Variants in GNAQ observed in about 807,000 individuals in gnomAD.
The protein encoded by GNAQ is G protein subunit alpha q.
In GNAQ, 8 loss-of-function variants were observed where a neutral mutation model predicts 43.9. The observed-to-expected ratio is 0.18, with a 90% CI of 0.11 to 0.33. The LOEUF (loss-of-function observed/expected upper bound fraction) is 0.33, where lower values mean the gene tolerates loss of function less well. Among genes scored for constraint, GNAQ ranks in the 10% least tolerant of loss-of-function variants. The pLI is 1.00. For synonymous variants in GNAQ, 155 were observed against 170.7 expected, an observed-to-expected ratio of 0.91 and a Z score of 0.71; for missense variants, 158 against 450.8, an observed-to-expected ratio of 0.35 and a Z score of 5.88.
chr9:77,960,022 T>G (rs913412003), intron 1 of GNAQ, among the ~76,000 whole-genome samples: 1 of 152,202 alleles, frequency 6.6e-6, no homozygotes, highest in Non-Finnish European at 1.5e-5. Context: ...CCTTGCCTCT[T>G]CACTCAACAC....
chr9:77,745,989 A>AAAAG (rs1258230225), intron 5 of GNAQ, among the ~76,000 whole-genome samples: 3 of 152,268 alleles, frequency 2.0e-5, no homozygotes, highest in East Asian at 3.9e-4. Flanking sequence ...TTAGATAAAT[A>AAAAG]AAAGATTCTA....
chr9:77,811,310 ATATGAAGATATCTTTATAAAGATATAT>A (rs1826919185), intron 3 of GNAQ, among the ~76,000 whole-genome samples: 1 of 145,234 alleles, frequency 6.9e-6, no homozygotes, highest in South Asian at 2.3e-4. Context: ...AATTATAAAG[ATATGAAGATATCTTTATAAAGATATAT>A]TATATATAAA....
intron 2 of GNAQ, among the ~76,000 whole-genome samples, chr9:77,823,078 T>C (rs1827141974): frequency 6.6e-6 from 1 of 152,106 alleles, no homozygotes; most frequent in African/African-American, 2.4e-5. Context: ...TAGCTGGGAC[T>C]ACAGGCGTCT....
At chr9:77,981,456 C>T (rs1823366971) in intron 1 of GNAQ, among the ~76,000 whole-genome samples, 3 of 152,168 alleles carry the variant, frequency 2.0e-5, no homozygotes, top group Admixed American at 1.3e-4. Flanking sequence ...AAGGCAAAGT[C>T]CAGTCATGCA....
At chr9:77,792,250 G>A (rs1012572416) in intron 5 of GNAQ, among the ~76,000 whole-genome samples, 11 of 152,146 alleles carry the variant, frequency 7.2e-5, no homozygotes, top group African/African-American at 2.2e-4. Flanking sequence ...ACTTTCAAAA[G>A]ATTCACAAGT....
At chr9:77,909,865 T>C (rs1235953663) in intron 2 of GNAQ, among the ~76,000 whole-genome samples, 2 of 152,088 alleles carry the variant, frequency 1.3e-5, no homozygotes, top group African/African-American at 4.8e-5. Context: ...AGAGCTTATT[T>C]TTTTCTCTCC....
At chr9:77,994,548 C>T (rs1004243796) in intron 1 of GNAQ, among the ~76,000 whole-genome samples, 1 of 152,096 alleles carries the variant, frequency 6.6e-6, no homozygotes, top group Non-Finnish European at 1.5e-5. Context: ...TGGTTTCCGG[C>T]AGCCATATTA....
At chr9:77,803,675 G>T (rs1199611357) in intron 3 of GNAQ, among the ~76,000 whole-genome samples, 1 of 152,208 alleles carries the variant, frequency 6.6e-6, no homozygotes, top group Non-Finnish European at 1.5e-5. Context: ...TTATCAATTT[G>T]TGGGGAAATA....
chr9:77,947,896 C>G (rs1822924455), intron 1 of GNAQ, among the ~76,000 whole-genome samples: 1 of 152,154 alleles, frequency 6.6e-6, no homozygotes, highest in African/African-American at 2.4e-5. Context: ...TACTTAACAG[C>G]TGTGGGACCT....
chr9:77,725,832 T>C (rs919646994), intron 6 of GNAQ, among the ~76,000 whole-genome samples: 7 of 152,154 alleles, frequency 4.6e-5, no homozygotes, highest in Non-Finnish European at 1.0e-4. Context: ...TCTGAGAAGT[T>C]TGAATGAACC....
intron 1 of GNAQ, among the ~76,000 whole-genome samples, chr9:78,016,204 A>G (rs1196050991): frequency 2.0e-5 from 3 of 152,224 alleles, no homozygotes; most frequent in Non-Finnish European, 4.4e-5. Flanking sequence ...ATATGAGACC[A>G]AAAAGCAGAA....
intron 5 of GNAQ, among the ~76,000 whole-genome samples, chr9:77,788,414 A>C (rs1296948281): frequency 6.6e-6 from 1 of 152,246 alleles, no homozygotes; most frequent in Non-Finnish European, 1.5e-5. Context: ...TGCAAAATGA[A>C]ACCATTTTAA....
At chr9:77,770,742 T>C (rs1382079763) in intron 5 of GNAQ, among the ~76,000 whole-genome samples, 3 of 152,282 alleles carry the variant, frequency 2.0e-5, no homozygotes, top group Admixed American at 2.0e-4. Context: ...TTGAACATCA[T>C]GGACCTCTGG....
intron 1 of GNAQ, among the ~76,000 whole-genome samples, chr9:77,974,531 T>C (rs1481287245): frequency 6.6e-6 from 1 of 152,224 alleles, no homozygotes; most frequent in Non-Finnish European, 1.5e-5. Context: ...CCTTATGTAC[T>C]AGGCACTAGT....
intron 1 of GNAQ, among the ~76,000 whole-genome samples, chr9:77,965,735 A>G (rs1216134622): frequency 6.6e-6 from 1 of 152,132 alleles, no homozygotes; most frequent in Admixed American, 6.6e-5. Flanking sequence ...ACACTGCACA[A>G]TATTAAAAAT....
intron 1 of GNAQ, among the ~76,000 whole-genome samples, chr9:77,957,011 G>A (rs963413812): frequency 4.6e-5 from 7 of 152,270 alleles, no homozygotes; most frequent in African/African-American, 1.2e-4. Flanking sequence ...AAGTAGCCTC[G>A]TTTAAGAGTA....
intron 1 of GNAQ, among the ~76,000 whole-genome samples, chr9:78,024,059 A>C (rs984849864): frequency 2.0e-5 from 3 of 152,004 alleles, no homozygotes; most frequent in African/African-American, 7.3e-5. Context: ...ATTGTTCACA[A>C]TCCATGATTA....
At chr9:77,944,169 C>T (rs149003360) in intron 1 of GNAQ, among the ~76,000 whole-genome samples, 42 of 152,040 alleles carry the variant, frequency 2.8e-4, no homozygotes, top group South Asian at 1.0e-3. Context: ...GGATATCTGG[C>T]TAATGGCAAT....
intron 1 of GNAQ, among the ~76,000 whole-genome samples, chr9:77,997,137 G>C (rs1327903359): frequency 1.3e-5 from 2 of 152,200 alleles, no homozygotes; most frequent in Non-Finnish European, 2.9e-5. Context: ...CCCAGGCTAG[G>C]TGATGCGCAT....
Sources: allele counts gnomAD v4.1 joint callset (sites outside exome capture counted in the v4.1 genomes callset), GRCh38; gene constraint gnomAD v4.1.1; transcripts MANE v1.5; gene names NCBI Gene and HGNC (gene_info 2026-07-23, HGNC 2026-07-21).